The following ENTPD1 variants were observed in gnomAD, a reference collection of about 807,000 sequenced individuals.
ENTPD1 encodes the protein ectonucleoside triphosphate diphosphohydrolase 1.
ENTPD1 carries 33 observed loss-of-function variants against 57.0 expected under a neutral mutation model. The observed-to-expected ratio is 0.58, with a 90% CI of 0.44 to 0.77. The LOEUF (loss-of-function observed/expected upper bound fraction) is 0.77, where lower values mean the gene tolerates loss of function less well. Ranked by LOEUF, ENTPD1 falls within the 30% of genes least tolerant of loss-of-function variation. The pLI is 0.00. For synonymous variants in ENTPD1, 202 were observed against 218.8 expected (o/e 0.92, Z 0.68); for missense variants, 501 against 603.4 (o/e 0.83, Z 1.78).
intron 2 of ENTPD1, among the ~76,000 whole-genome samples, chr10:95,834,736 C>T (rs151231303): frequency 7.2e-5 from 11 of 152,158 alleles, no homozygotes; most frequent in Non-Finnish European, 1.2e-4. Context: ...GGGTCTGTTG[C>T]GCCTACATTT....
intron 2 of ENTPD1, among the ~76,000 whole-genome samples, chr10:95,826,571 CAAAA>C (rs35615283): frequency 0.018 from 1,896 of 107,934 alleles, 16 homozygotes; most frequent in East Asian, 0.025. Context: ...GACGCCAACT[CAAAA>C]AAAAAAAAAA....
At position 95,875,709 on chromosome 10, in the gene ENTPD1, G is replaced by GA. The variant is rs2141041187; in HGVS notation, c.*9326_*9327insA. On this transcript the variant is annotated 3_prime_UTR_variant, in exon 10 of 10. Coordinates refer to ENST00000371205, the MANE Select transcript of ENTPD1 (RefSeq NM_001776.6). ...TTTAATTGGACTTATAGTTCCACCT[G>GA]GCTGGGGAGGCCTCAGAATCATGGC... The GA allele has an allele frequency of 6.0e-6, 1 of 165,878 alleles. No homozygotes were observed. The highest frequency in any genetic ancestry group is 1.8e-4 in the East Asian group (1 of 5,666). 10.3% of individuals were successfully genotyped at this position (165,878 alleles called of 1,614,324 possible).
intron 7 of ENTPD1, among the ~76,000 whole-genome samples, chr10:95,854,853 C>G (rs1261190015): frequency 6.6e-6 from 1 of 152,074 alleles, no homozygotes; most frequent in Non-Finnish European, 1.5e-5. Context: ...TTACTTCCAA[C>G]TATGTGGTCA....
At chr10:95,710,035 A>T (rs918188019), upstream of ENTPD1, among the ~76,000 whole-genome samples, 1 of 151,660 alleles carries the variant, frequency 6.6e-6, no homozygotes, top group Middle Eastern at 3.4e-3. Context: ...CGGCCTCCCA[A>T]AGTGCTGGGA....
At position 95,764,197 on chromosome 10, in the gene ENTPD1, C is replaced by A. The variant is rs772686717; in HGVS notation, c.16+7942C>A. On this transcript the variant is annotated intron_variant, in intron 1 of 9. Transcript: ENST00000371205. ...ACCGTTCTGAGTCCTAGGAAAACAC[C>A]AATCTACTTTCTGTCCCCACAGTTT... Among the ~76,000 whole-genome samples, 77 of 152,308 alleles carry A rather than the reference C, an allele frequency of 5.1e-4. 1 individual carries two copies. The highest frequency in any genetic ancestry group is 2.7e-3 in the South Asian group (13 of 4,824).
chr10:95,844,984 G>A (rs2098431484), intron 5 of ENTPD1: 2 of 464,654 alleles, frequency 4.3e-6, no homozygotes, highest in Non-Finnish European at 7.9e-6. Context: ...TTTATCCTTA[G>A]AACAACACTA....
chr10:95,845,777 A>G, intron 6 of ENTPD1, 181 bp downstream of exon 6: 1 of 878,078 alleles, frequency 1.1e-6, no homozygotes, highest in Non-Finnish European at 1.8e-6. Flanking sequence ...TCAGTCAGAC[A>G]TCCCCTCCCA....
chr10:95,707,439 G>A (rs1041528919), upstream of ENTPD1, among the ~76,000 whole-genome samples: 2 of 152,212 alleles, frequency 1.3e-5, no homozygotes, highest in Admixed American at 6.5e-5. Context: ...GCCCAGCGGG[G>A]CCTCCCTGCT....
chr10:95,697,016 G>A, the ENTPD1 span, among the ~76,000 whole-genome samples: 1 of 152,136 alleles, frequency 6.6e-6, no homozygotes, highest in Admixed American at 6.5e-5. Flanking sequence ...GTGCTCTCAT[G>A]GGCCAGACAT....
Position 95,847,596 on chromosome 10 carries a change from T to C in ENTPD1, c.964T>C (p.Tyr322His). 2 of 1,614,192 alleles carry C rather than the reference T, an allele frequency of 1.2e-6. No individual in the cohort carries two copies. The highest frequency in any genetic ancestry group is 1.7e-6 in the Non-Finnish European group (2 of 1,180,030). Residue 322 changes from tyrosine (Y) to histidine (H), a missense_variant, in exon 7 of 10, where the codon TAT becomes CAT. Transcript: ENST00000371205. ...QQFEIQGIGN[Y>H]QQCHQSILEL... Reference sequence around the variant, plus strand: ...GTTTGAAATCCAGGGTATTGGAAACTATCAACAATGCCATCAAAGCATCCT... The same window carrying C: ...GTTTGAAATCCAGGGTATTGGAAACCATCAACAATGCCATCAAAGCATCCT...
intron 1 of ENTPD1, among the ~76,000 whole-genome samples, chr10:95,785,804 C>A (rs951231706): frequency 6.6e-6 from 1 of 152,096 alleles, no homozygotes; most frequent in African/African-American, 2.4e-5. Context: ...AACTTTTGGA[C>A]CCCAGTTTTC....
intron 2 of ENTPD1, among the ~76,000 whole-genome samples, chr10:95,823,965 A>AT (rs1441743394): frequency 1.3e-5 from 2 of 152,230 alleles, no homozygotes; most frequent in African/African-American, 2.4e-5. Context: ...ACATTTCTAC[A>AT]TTTGAACAAC....
intron 7 of ENTPD1, among the ~76,000 whole-genome samples, chr10:95,857,808 A>G (rs368727737): frequency 9.2e-5 from 14 of 152,342 alleles, no homozygotes; most frequent in African/African-American, 3.4e-4. Context: ...CATTCTAGAA[A>G]GCAGGCAGAC....
At chr10:95,857,949 T>C (rs1052136962) in intron 7 of ENTPD1, among the ~76,000 whole-genome samples, 2 of 151,832 alleles carry the variant, frequency 1.3e-5, no homozygotes, top group African/African-American at 4.8e-5. Context: ...ATCACGAGGT[T>C]AGGAGATTGA....
chr10:95,717,608 AG>A (rs1353676248), intron 1 of ENTPD1, among the ~76,000 whole-genome samples: 2 of 152,142 alleles, frequency 1.3e-5, no homozygotes, highest in African/African-American at 4.8e-5. Context: ...CCGTGTTTAA[AG>A]GTGGGTGTGG....
At chr10:95,838,240 C>T (rs2098415215) in intron 2 of ENTPD1, among the ~76,000 whole-genome samples, 1 of 152,106 alleles carries the variant, frequency 6.6e-6, no homozygotes, top group South Asian at 2.1e-4. Flanking sequence ...CCTGAGTAAG[C>T]CCAGAGATAT....
chr10:95,743,997 CAT>C (rs57187898), intron 1 of ENTPD1, among the ~76,000 whole-genome samples: 5,897 of 80,662 alleles, frequency 0.073, 188 homozygotes, highest in Middle Eastern at 0.14. Flanking sequence ...TATTTTAAAC[CAT>C]ATATATATAT....
At chr10:95,844,822 G>T (rs2140855441) in intron 5 of ENTPD1, 187 bp downstream of exon 5, 2 of 742,224 alleles carry the variant, frequency 2.7e-6, no homozygotes, top group East Asian at 5.4e-5. Flanking sequence ...TCTCTTACAA[G>T]ACCTTCTACT....
chr10:95,708,635 A>G (rs753920237), upstream of ENTPD1, among the ~76,000 whole-genome samples: 9 of 152,232 alleles, frequency 5.9e-5, no homozygotes, highest in Non-Finnish European at 7.3e-5. Flanking sequence ...TAAATAAACT[A>G]TGATGCATTC....
Sources: gnomAD v4.1 joint callset for allele counts (sites outside exome capture counted in the v4.1 genomes callset) on GRCh38, gnomAD v4.1.1 for gene constraint, MANE v1.5 for transcripts, NCBI Gene and HGNC (gene_info 2026-07-23, HGNC 2026-07-21) for gene names.